PCNT: variants seen among roughly 807,000 people sequenced by gnomAD.
PCNT encodes the protein kendrin.
In PCNT, 319 loss-of-function variants were observed where a neutral mutation model predicts 380.4. The observed-to-expected ratio is 0.84, with a 90% CI of 0.77 to 0.92. PCNT has a LOEUF of 0.92. Ranked by LOEUF, PCNT falls within the 40% of genes least tolerant of loss-of-function variation. PCNT has a pLI of 0.00. For synonymous variants in PCNT, 1,845 were observed against 1,735.2 expected (o/e 1.06, Z -1.57); for missense variants, 4,400 against 4,255.3 (o/e 1.03, Z -0.95).
At chr21:46,438,669 ATTTTTTT>A (rs34152810) in intron 41 of PCNT, among the ~76,000 whole-genome samples, 9 of 127,574 alleles carry the variant, frequency 7.1e-5, no homozygotes, top group Admixed American at 1.7e-4. Context: ...GTGATTTATA[ATTTTTTT>A]TTTTTTTTTT....
In PCNT at chr21:46,412,885, A is replaced by G; in HGVS notation, c.6043A>G (p.Lys2015Glu). The G allele has an allele frequency of 6.2e-7, 1 of 1,612,900 alleles. No individual in the cohort carries two copies. Among genetic ancestry groups the G allele is most frequent in the Non-Finnish European group, 8.5e-7 (1 of 1,180,034 alleles). The change falls in exon 29 of 47, where the codon AAG (lysine) becomes GAG (glutamate). Residue 2015 changes from lysine to glutamate, a missense_variant. Transcript: ENST00000359568. The stretch of plus-strand genomic sequence containing the variant: ...GACGTTGAAGGATGCACCTCTCTGC[A>G]AGCAAGAAGGCGTGATGTCAGTGCT... ...LVTLKDAPLC[K>E]QEGVMSVLTV...
At chr21:46,377,318 C>T (rs1349540944) in intron 15 of PCNT, among the ~76,000 whole-genome samples, 1 of 152,208 alleles carries the variant, frequency 6.6e-6, no homozygotes, top group Non-Finnish European at 1.5e-5. Flanking sequence ...CAGCAGGTCC[C>T]ACTGCTGAGG....
chr21:46,403,703 C>G, intron 27 of PCNT, among the ~76,000 whole-genome samples: 1 of 140,342 alleles, frequency 7.1e-6, no homozygotes. Flanking sequence ...GCGGCACGTG[C>G]TTGGTGAATG....
chr21:46,435,461 G>T (rs970537529), intron 38 of PCNT, among the ~76,000 whole-genome samples: 5 of 151,696 alleles, frequency 3.3e-5, no homozygotes, highest in Admixed American at 3.3e-4. Flanking sequence ...CCTGACCTCA[G>T]GTGATCCGCT....
intron 15 of PCNT, among the ~76,000 whole-genome samples, chr21:46,375,138 A>G (rs893698933): frequency 6.6e-6 from 1 of 152,162 alleles, no homozygotes; most frequent in Non-Finnish European, 1.5e-5. Context: ...TGATAGAAGT[A>G]TGTATCCCAT....
At chr21:46,352,721 C>A (rs2084318792) in intron 9 of PCNT, among the ~76,000 whole-genome samples, 1 of 152,204 alleles carries the variant, frequency 6.6e-6, no homozygotes, top group Admixed American at 6.5e-5. Flanking sequence ...GTCCAGGGTC[C>A]CCCATAGCCC....
intron 13 of PCNT, among the ~76,000 whole-genome samples, chr21:46,358,059 A>G (rs1411820800): frequency 6.6e-6 from 1 of 152,138 alleles, no homozygotes; most frequent in African/African-American, 2.4e-5. Flanking sequence ...GTGGATTTCA[A>G]GTGAGCCGAC....
Position 46,435,903 on chromosome 21 carries a change from GC to G in PCNT, c.8752del (p.Arg2918GlufsTer3). On this transcript the variant is annotated frameshift_variant and splice_region_variant, in exon 39 of 47. Transcript: ENST00000359568. LOFTEE classifies it high-confidence loss of function. ...RKWQRDKEKL[R>X]ELELQRQRDL... The stretch of plus-strand genomic sequence containing the variant: ...CTCTGTCTTTTTTCTGTTAACAACA[GC>G]GAGAATTAGAACTGCAGCGTCAGCG... 6.2e-7 allele frequency: 1 copy of G among 1,614,164 alleles called. No individual in the cohort carries two copies.
At chr21:46,390,565 T>A in intron 19 of PCNT, 105 bp from the exon 20 acceptor site, 1 of 1,239,642 alleles carries the variant, frequency 8.1e-7, no homozygotes, top group Non-Finnish European at 1.2e-6. Context: ...GCCTGGGTGG[T>A]GACGGCCTGA....
rs201944549 is a variant in PCNT, at chr21:46,349,134, A to G, written c.1155A>G (p.Ala385=). 162 of 1,613,916 alleles carry G rather than the reference A, an allele frequency of 1.0e-4. 1 individual carries two copies. In the East Asian group the frequency reaches 3.3e-3, roughly 33 times the overall value. The change falls in exon 7 of 47, where the codon GCA becomes GCG. Residue 385 remains alanine, a synonymous_variant. Coordinates refer to ENST00000359568, the MANE Select transcript of PCNT (RefSeq NM_006031.6). ...AAAACCAGTTTCAGAAAGAATTGGC[A>G]GAACAGAGAGCTGAGTTGGAGAAGA... is the stretch of plus-strand genomic sequence containing the variant. ...DLQNQFQKEL[A]EQRAELEKIF... is the part of the protein sequence containing the mutation.
At position 46,347,497 on chromosome 21, in the gene PCNT, C is replaced by T. The variant is rs200472502; in HGVS notation, c.1017C>T (p.Asn339=). The change falls in exon 6 of 47, where the codon AAC becomes AAT. Residue 339 remains asparagine (N), a synonymous_variant. Coordinates refer to ENST00000359568, the MANE Select transcript of PCNT (RefSeq NM_006031.6). The stretch of plus-strand genomic sequence containing the variant: ...AGTTACAATCAGAAATGGAGAAAAA[C>T]GCCCAGATAGTAAAGGTACCCGGGA... ...KEKLQSEMEK[N]AQIVKTLKED... 52 of 1,613,902 alleles carry T rather than the reference C, an allele frequency of 3.2e-5. No homozygotes were observed. Among genetic ancestry groups the T allele is most frequent in the African/African-American group, 5.3e-5 (4 of 74,974 alleles).
chr21:46,344,370 G>C (rs1041344131), intron 3 of PCNT, among the ~76,000 whole-genome samples: 3 of 152,170 alleles, frequency 2.0e-5, no homozygotes, highest in African/African-American at 7.2e-5. Context: ...CACCGCGCCC[G>C]GCCCGAGCTC....
chr21:46,383,881 GTGT>G (rs1248487203), intron 16 of PCNT, among the ~76,000 whole-genome samples: 11 of 143,128 alleles, frequency 7.7e-5, no homozygotes, highest in East Asian at 7.0e-4. Context: ...CGCATTCACG[GTGT>G]TGTGCATTCA....
rs1238914437 is a variant in PCNT at position 46,430,558 on chromosome 21, G to A, written c.7965G>A (p.Leu2655=). 23 of 1,558,146 alleles carry A rather than the reference G, an allele frequency of 1.5e-5. No homozygotes were observed. Among genetic ancestry groups the A allele is most frequent in the Non-Finnish European group, 1.9e-5 (22 of 1,151,448 alleles). ...ENELKAALQE[L]ESEQGKGRAL... is the part of the protein sequence containing the mutation. ...AGCTGAAGGCCGCGCTTCAGGAGCT[G>A]GAGAGTGAGCAGGGGAAGGGGCGTG... The change falls in exon 37 of 47, where the codon CTG becomes CTA. Residue 2655 remains leucine (L), a synonymous_variant. Coordinates refer to ENST00000359568, the MANE Select transcript of PCNT (RefSeq NM_006031.6).
intron 3 of PCNT, among the ~76,000 whole-genome samples, chr21:46,344,489 G>T (rs1199855931): frequency 6.6e-6 from 1 of 152,224 alleles, no homozygotes; most frequent in Non-Finnish European, 1.5e-5. Context: ...TCCCTGTCCA[G>T]TTCCTCCGGG....
In PCNT at chr21:46,437,064, A is replaced by G. The variant is rs1461182443; in HGVS notation, c.9082A>G (p.Arg3028Gly). The G allele has an allele frequency of 2.5e-6, 4 of 1,613,514 alleles. No homozygotes were observed. Among genetic ancestry groups the G allele is most frequent in the Admixed American group, 3.3e-5 (2 of 60,008 alleles). The change falls in exon 40 of 47, where the codon AGG becomes GGG. Residue 3028 changes from arginine (R) to glycine (G), a missense_variant. Physicochemically the swap from Arg to Gly is moderately radical, Grantham distance 125 (BLOSUM62 -2). Coordinates refer to ENST00000359568, the MANE Select transcript of PCNT (RefSeq NM_006031.6). ...TLEELKSDLS[R>G]PTSSQKKMAA... Reference sequence around the variant, plus strand: ...GGAGGAGCTGAAGTCTGACTTGAGCAGGCCCACCTCCTCCCAGGTAAGGGG... The same window carrying G: ...GGAGGAGCTGAAGTCTGACTTGAGCGGGCCCACCTCCTCCCAGGTAAGGGG...
At position 46,353,315 on chromosome 21, in the gene PCNT, T is replaced by C. The variant is rs1274982663; in HGVS notation, c.1668T>C (p.Ser556=). Residue 556 remains serine (S), a synonymous_variant, in exon 10 of 47, where the codon TCT becomes TCC. Transcript: ENST00000359568. ...CGAGGGAAGATGCTCTTCTGGACTC[T>C]GTGGAAGTTGGGTAAGCAAAGCAGT... ...QGAREDALLD[S]VEVGLSCVGL... 1.2e-6 allele frequency: 2 copies of C among 1,613,886 alleles called. No individual in the cohort carries two copies. Among genetic ancestry groups the C allele is most frequent in the East Asian group, 2.2e-5 (1 of 44,896 alleles).
intron 21 of PCNT, among the ~76,000 whole-genome samples, chr21:46,394,806 C>T (rs1359010463): frequency 2.0e-5 from 3 of 152,250 alleles, no homozygotes; most frequent in Admixed American, 6.5e-5. Context: ...GTGATAGTTA[C>T]AGCTGTTCTT....
Position 46,342,444 on chromosome 21 carries a change from G to A in PCNT, c.640-3684G>A, listed in dbSNP as rs1326495360. 4.6e-5 allele frequency among the ~76,000 whole-genome samples: 7 copies of A among 151,636 alleles called. No homozygotes were observed. In the East Asian group the frequency reaches 5.8e-4, roughly 13 times the overall value. On this transcript the variant is annotated intron_variant, in intron 3 of 46. Transcript: ENST00000359568. ...TTTTATAGTGATTGTACTAGTTTAC[G>A]TTCCCACCAGCAGTGCAAAGGTTTT...
Sources: gnomAD v4.1 joint callset for allele counts (sites outside exome capture counted in the v4.1 genomes callset) on GRCh38, gnomAD v4.1.1 for gene constraint, MANE v1.5 for transcripts, NCBI Gene and HGNC (gene_info 2026-07-23, HGNC 2026-07-21) for gene names.